TYW1B: variants seen among roughly 807,000 people sequenced by gnomAD.
The protein encoded by TYW1B is S-adenosyl-L-methionine-dependent tRNA 4-demethylwyosine synthase TYW1B.
A neutral mutation model predicts 86.9 loss-of-function variants in TYW1B; 73 were observed. That is an observed-to-expected ratio of 0.84 (90% CI 0.70 to 1.02). The LOEUF (loss-of-function observed/expected upper bound fraction) is 1.02, where lower values mean the gene tolerates loss of function less well. Among genes scored for constraint, TYW1B ranks in the 50% least tolerant of loss-of-function variants. TYW1B has a pLI of 0.00. For synonymous variants in TYW1B, 248 were observed against 292.8 expected (o/e 0.85, Z 1.56); for missense variants, 637 against 827.4 (o/e 0.77, Z 2.82).
intron 6 of TYW1B, among the ~76,000 whole-genome samples, chr7:72,784,244 T>C (rs782572918): frequency 9.9e-5 from 15 of 152,064 alleles, no homozygotes; most frequent in Non-Finnish European, 2.1e-4. Flanking sequence ...TCCTGACTCA[T>C]GGTTCTCTAA....
At chr7:72,594,872 G>C (rs1192018140) in intron 13 of TYW1B, among the ~76,000 whole-genome samples, 2 of 151,992 alleles carry the variant, frequency 1.3e-5, no homozygotes, top group Non-Finnish European at 2.9e-5. Context: ...ATAGAATGAA[G>C]GACAAAAACC....
chr7:72,649,526 T>C (rs1813010743), intron 11 of TYW1B, among the ~76,000 whole-genome samples: 1 of 152,172 alleles, frequency 6.6e-6, no homozygotes, highest in South Asian at 2.1e-4. Flanking sequence ...TGTCCGAGGA[T>C]ACTGACAAAA....
At chr7:72,666,713 C>T (rs1813470208) in intron 11 of TYW1B, among the ~76,000 whole-genome samples, 1 of 151,918 alleles carries the variant, frequency 6.6e-6, no homozygotes, top group African/African-American at 2.4e-5. Context: ...ATGTGTTACA[C>T]ATCAACTCAA....
chr7:72,591,154 AAAAG>A (rs1811386371), intron 13 of TYW1B, among the ~76,000 whole-genome samples: 4 of 152,106 alleles, frequency 2.6e-5, no homozygotes, highest in Admixed American at 1.3e-4. Context: ...TAGCAAAAAA[AAAAG>A]AAAGAAAAGA....
Position 72,694,830 on chromosome 7 carries a change from A to ATT in TYW1B, c.1371-10_1371-9dup, listed in dbSNP as rs781826487. ...GTAACTGGCTCGAGGTTCCTTAGTAATTTTTTTTTTTAAAGGAAGAAAGAA... is the reference window on the plus strand; with the variant it reads ...GTAACTGGCTCGAGGTTCCTTAGTAATTTTTTTTTTTTTAAAGGAAGAAAGAA... On this transcript the variant is annotated splice_polypyrimidine_tract_variant and intron_variant, in intron 10 of 13. Coordinates refer to ENST00000620995, the MANE Select transcript of TYW1B (RefSeq NM_001145440.3). 7 of 1,319,700 alleles carry ATT rather than the reference A, an allele frequency of 5.3e-6. No individual in the cohort carries two copies. Among genetic ancestry groups the ATT allele is most frequent in the Non-Finnish European group, 7.1e-6 (7 of 979,336 alleles). The allele number at this position is 1,319,700 out of a possible 1,614,324, so 81.7% of individuals were successfully genotyped here. A position where few individuals can be genotyped will look rare whatever the true frequency, so the allele number is the denominator to read the frequency against.
chr7:72,622,727 A>G (rs1452275370), intron 12 of TYW1B, among the ~76,000 whole-genome samples: 2 of 151,604 alleles, frequency 1.3e-5, no homozygotes, highest in African/African-American at 2.4e-5. Flanking sequence ...CAACACACAT[A>G]CATGCACACA....
chr7:72,816,884 G>GTGCAGCTCTTCC, intron 2 of TYW1B, among the ~76,000 whole-genome samples: 1 of 152,232 alleles, frequency 6.6e-6, no homozygotes, highest in East Asian at 1.9e-4. Context: ...AGCTGGCCCT[G>GTGCAGCTCTTCC]TGCAGCTCTT....
intron 11 of TYW1B, among the ~76,000 whole-genome samples, chr7:72,657,447 A>C (rs1250597276): frequency 1.3e-5 from 2 of 152,300 alleles, no homozygotes; most frequent in East Asian, 3.9e-4. Flanking sequence ...AATAGTTTAA[A>C]ATTTCTCCAA....
intron 11 of TYW1B, among the ~76,000 whole-genome samples, chr7:72,645,919 A>G (rs1184341108): frequency 1.3e-5 from 2 of 149,782 alleles, no homozygotes; most frequent in African/African-American, 4.9e-5. Flanking sequence ...TACTCCAATT[A>G]AAAAACTTAT....
At chr7:72,645,606 G>A (rs1554441950) in intron 11 of TYW1B, among the ~76,000 whole-genome samples, 1 of 152,024 alleles carries the variant, frequency 6.6e-6, no homozygotes, top group African/African-American at 2.4e-5. Context: ...AATGAAAATG[G>A]GTGAATTACA....
chr7:72,614,850 A>G (rs1812031614), intron 13 of TYW1B, among the ~76,000 whole-genome samples: 1 of 152,216 alleles, frequency 6.6e-6, no homozygotes, highest in Admixed American at 6.5e-5. Flanking sequence ...TATGTTAACA[A>G]AGTGTTTCAT....
intron 6 of TYW1B, among the ~76,000 whole-genome samples, chr7:72,781,178 G>A (rs1412316841): frequency 6.6e-6 from 1 of 152,062 alleles, no homozygotes; most frequent in African/African-American, 2.4e-5. Context: ...CTCGAGCACA[G>A]ATGAACCCAG....
At position 72,813,169 on chromosome 7, in the gene TYW1B, T is replaced by C. The variant is rs1352063921; in HGVS notation, c.237+2211A>G. ...TGTCAACCCCAGCTCTACATACTTC[T>C]TCTTTTTTTTTTTTTTTTTTTTTGA... On this transcript the variant is annotated intron_variant, in intron 3 of 13. Coordinates refer to ENST00000620995, the MANE Select transcript of TYW1B (RefSeq NM_001145440.3). 8.7e-5 allele frequency among the ~76,000 whole-genome samples: 13 copies of C among 149,432 alleles called. No individual in the cohort carries two copies. In the South Asian group the frequency reaches 2.7e-3, roughly 31 times the overall value.
intron 13 of TYW1B, among the ~76,000 whole-genome samples, chr7:72,610,780 G>C (rs1311099420): frequency 2.0e-5 from 3 of 152,128 alleles, no homozygotes; most frequent in Non-Finnish European, 4.4e-5. Context: ...GCTGGCTATC[G>C]CAACAGTGTT....
chr7:72,700,194 A>T (rs1554452254), intron 10 of TYW1B, among the ~76,000 whole-genome samples: 3 of 79,182 alleles, frequency 3.8e-5, no homozygotes, highest in Non-Finnish European at 4.4e-5. Context: ...TTTTTTTGTG[A>T]GACAGAGTCT....
chr7:72,661,719 G>C (rs1344952333), intron 11 of TYW1B, among the ~76,000 whole-genome samples: 1 of 151,672 alleles, frequency 6.6e-6, no homozygotes, highest in Non-Finnish European at 1.5e-5. Flanking sequence ...CTTCAAACTT[G>C]ACTTCCCCTA....
rs1278960056 is a variant in TYW1B, at chr7:72,800,489, C to T, written c.846+1911G>A. ...AGTGCTGGGATTACAGGGTGAGCCACCGCACTCAGCCAACATAATTTATTT... is the reference window on the plus strand; with the variant it reads ...AGTGCTGGGATTACAGGGTGAGCCATCGCACTCAGCCAACATAATTTATTT... On this transcript the variant is annotated intron_variant, in intron 6 of 13. Transcript: ENST00000620995. Among the ~76,000 whole-genome samples the T allele has an allele frequency of 4.6e-5, 7 of 152,126 alleles. No homozygotes were observed. The East Asian group carries it at 1.3e-3, about 29-fold the overall frequency.
At chr7:72,771,171 C>T (rs1239305886) in intron 7 of TYW1B, among the ~76,000 whole-genome samples, 2 of 152,034 alleles carry the variant, frequency 1.3e-5, no homozygotes, top group African/African-American at 4.8e-5. Context: ...CCATTTTGGC[C>T]AGGCTGGTCT....
At chr7:72,745,127 C>A (rs1787372699) in intron 7 of TYW1B, among the ~76,000 whole-genome samples, 1 of 152,174 alleles carries the variant, frequency 6.6e-6, no homozygotes, top group Non-Finnish European at 1.5e-5. Flanking sequence ...TGGGTTCAAG[C>A]AATCCTCCTG....
Sources: gnomAD v4.1 joint callset for allele counts (sites outside exome capture counted in the v4.1 genomes callset) on GRCh38, gnomAD v4.1.1 for gene constraint, MANE v1.5 for transcripts, NCBI Gene and HGNC (gene_info 2026-07-23, HGNC 2026-07-21) for gene names.